The following NPY5R variants were observed in gnomAD, a reference collection of about 807,000 sequenced individuals.
NPY5R encodes the protein neuropeptide Y receptor Y5.
A neutral mutation model predicts 24.8 loss-of-function variants in NPY5R; 21 were observed. The observed-to-expected ratio is 0.85, with a 90% CI of 0.60 to 1.22. The LOEUF (loss-of-function observed/expected upper bound fraction) is 1.22. Ranked by LOEUF, NPY5R falls within the 50% of genes most tolerant of loss-of-function variation. NPY5R has a pLI of 0.00. For synonymous variants in NPY5R, 175 were observed against 183.0 expected (o/e 0.96, Z 0.35); for missense variants, 481 against 521.3 (o/e 0.92, Z 0.75).
intron 1 of NPY5R, chr4:163,345,045 T>C (rs758677319): frequency 6.6e-6 from 1 of 152,200 alleles, no homozygotes; most frequent in Admixed American, 6.5e-5. Flanking sequence ...AAACAGACAA[T>C]AGTTGATATT....
chr4:163,349,065 A>G (rs1342902151), intron 3 of NPY5R, among the ~76,000 whole-genome samples: 6 of 152,152 alleles, frequency 3.9e-5, no homozygotes, highest in Non-Finnish European at 8.8e-5. Flanking sequence ...ATCTCAAACC[A>G]TTGAGGATTG....
At chr4:163,348,680 C>CT (rs34808152) in intron 3 of NPY5R, among the ~76,000 whole-genome samples, 439 of 147,042 alleles carry the variant, frequency 3.0e-3, no homozygotes, top group African/African-American at 9.2e-3. Flanking sequence ...AAAAAAAGTC[C>CT]TTTTTTTTTT....
chr4:163,346,075 G>A (rs72699034), intron 2 of NPY5R, among the ~76,000 whole-genome samples: 4,804 of 152,170 alleles, frequency 0.032, 108 homozygotes, highest in Middle Eastern at 0.071. Flanking sequence ...TGTTTATGTG[G>A]TAGATGGTGT....
At chr4:163,348,129 T>G (rs183829935) in intron 3 of NPY5R, among the ~76,000 whole-genome samples, 160 of 152,356 alleles carry the variant, frequency 1.1e-3, no homozygotes, top group Admixed American at 3.2e-3. Flanking sequence ...TGTTTACTAT[T>G]AATTTAAATA....
rs767017396 is a variant in NPY5R, at chr4:163,351,469, C to T, written c.1196C>T (p.Ser399Leu). ...ACTGATTTTAATGACAATCTTATTT[C>T]AAATAGGCATTTCAAGTTGGTGTAT... ...VVTDFNDNLISNRHFKLVYCI... is the reference protein window; with the variant it reads ...VVTDFNDNLILNRHFKLVYCI... The change falls in exon 4 of 4, where the codon TCA (serine) becomes TTA (leucine). Residue 399 changes from serine to leucine, a missense_variant. Physicochemically the swap from Ser to Leu is moderately radical, Grantham distance 145. Coordinates refer to ENST00000338566, the MANE Select transcript of NPY5R (RefSeq NM_006174.4). The T allele has an allele frequency of 6.2e-7, 1 of 1,613,930 alleles. No homozygotes were observed. The highest frequency in any genetic ancestry group is 8.5e-7 in the Non-Finnish European group (1 of 1,179,930).
intron 3 of NPY5R, among the ~76,000 whole-genome samples, chr4:163,348,313 A>G (rs980439915): frequency 1.1e-4 from 16 of 152,260 alleles, no homozygotes; most frequent in Non-Finnish European, 2.2e-4. Context: ...TCTGTAGGAA[A>G]TTCTTGTTAA....
chr4:163,350,471 C>A lies in NPY5R; in HGVS notation c.198C>A (p.Leu66=), dbSNP rs768340023. The A allele has an allele frequency of 6.2e-7, 1 of 1,613,986 alleles. No homozygotes were observed. The highest frequency in any genetic ancestry group is 8.5e-7 in the Non-Finnish European group (1 of 1,179,940). ...FMGNLLILMA[L]MKKRNQKTTV... ...GGAATCTACTTATTTTAATGGCTCT[C>A]ATGAAAAAGCGTAATCAGAAGACTA... Residue 66 remains leucine, a synonymous_variant, in exon 4 of 4, where the codon CTC becomes CTA. Transcript: ENST00000338566.
rs1735343263 is a variant in NPY5R at position 163,348,458 on chromosome 4, A to G, written c.-10+936A>G. On this transcript the variant is annotated intron_variant, in intron 3 of 3. Coordinates refer to ENST00000338566, the MANE Select transcript of NPY5R (RefSeq NM_006174.4). ...AGCCTGGGCAACATAGCCAGGCCCC[A>G]TCTCCACAAAAAATAGAAAGATTAG... 2.0e-5 allele frequency among the ~76,000 whole-genome samples: 3 copies of G among 151,794 alleles called. No individual in the cohort carries two copies. The South Asian group carries it at 6.2e-4, about 32-fold the overall frequency.
At chr4:163,347,596 G>C (rs1735305086) in intron 3 of NPY5R, 74 bp downstream of exon 3, 1 of 152,132 alleles carries the variant, frequency 6.6e-6, no homozygotes, top group South Asian at 2.1e-4. Flanking sequence ...ATATAAATAG[G>C]ATCATGAATA....
rs775477312 is a variant in NPY5R at position 163,350,971 on chromosome 4, G to T, written c.698G>T (p.Ser233Ile). 2 of 1,613,898 alleles carry T rather than the reference G, an allele frequency of 1.2e-6. No individual in the cohort carries two copies. Among genetic ancestry groups the T allele is most frequent in the South Asian group, 2.2e-5 (2 of 91,082 alleles). The change falls in exon 4 of 4, where the codon AGT (serine) becomes ATT (isoleucine). Residue 233 changes from serine to isoleucine, a missense_variant. By Grantham distance (142) the Ser-to-Ile change is moderately radical. Transcript: ENST00000338566. ...GTTTGTCTTACTGTAAGTCATACAA[G>T]TGTCTGCAGAAGTATAAGCTGTGGA... ...PLVCLTVSHTSVCRSISCGLS... is the reference protein window; with the variant it reads ...PLVCLTVSHTIVCRSISCGLS...
chr4:163,349,772 A>G (rs1444433827), intron 3 of NPY5R, among the ~76,000 whole-genome samples: 2 of 152,232 alleles, frequency 1.3e-5, no homozygotes, highest in African/African-American at 2.4e-5. Flanking sequence ...AATTTACTAT[A>G]ATCATTATTG....
chr4:163,345,301 G>A (rs188590133), intron 1 of NPY5R: 1 of 152,036 alleles, frequency 6.6e-6, no homozygotes, highest in African/African-American at 2.4e-5. Context: ...ATTTGTCTAG[G>A]TGTCAGATAT....
Position 163,350,453 on chromosome 4 carries a change from A to G in NPY5R, c.180A>G (p.Leu60=), listed in dbSNP as rs758155411. Residue 60 remains leucine, a synonymous_variant, in exon 4 of 4, where the codon CTA becomes CTG. Coordinates refer to ENST00000338566, the MANE Select transcript of NPY5R (RefSeq NM_006174.4). The part of the protein sequence containing the change: ...FVSLLGFMGN[L]LILMALMKKR... ...GTCTTCTTGGCTTTATGGGGAATCT[A>G]CTTATTTTAATGGCTCTCATGAAAA... 3 of 1,613,936 alleles carry G rather than the reference A, an allele frequency of 1.9e-6. No homozygotes were observed. Among genetic ancestry groups the G allele is most frequent in the South Asian group, 2.2e-5 (2 of 91,074 alleles).
chr4:163,346,756 CAG>C (rs1189061038), intron 2 of NPY5R, among the ~76,000 whole-genome samples: 1 of 152,132 alleles, frequency 6.6e-6, no homozygotes, highest in Non-Finnish European at 1.5e-5. Context: ...GTTTTAATAA[CAG>C]ACTGCACAGT....
At chr4:163,347,159 T>C (rs1690643666) in intron 2 of NPY5R, among the ~76,000 whole-genome samples, 1 of 152,244 alleles carries the variant, frequency 6.6e-6, no homozygotes, top group Non-Finnish European at 1.5e-5. Flanking sequence ...TAGCATCCAC[T>C]ATGTGTAATA....
At position 163,351,860 on chromosome 4, in the gene NPY5R, A is replaced by ACCTT. The variant is rs1735511442; in HGVS notation, c.*252_*255dup. On this transcript the variant is annotated 3_prime_UTR_variant, in exon 4 of 4. Coordinates refer to ENST00000338566, the MANE Select transcript of NPY5R (RefSeq NM_006174.4). ...TAATTTCACTTTAGAAGGTTGTATT[A>ACCTT]CCTTCCACTTCCATGTTGTCTTATA... 3.4e-6 allele frequency: 1 copy of ACCTT among 292,978 alleles called. No individual in the cohort carries two copies. Among genetic ancestry groups the ACCTT allele is most frequent in the African/African-American group, 2.2e-5 (1 of 45,892 alleles). 18.1% of individuals were successfully genotyped at this position (292,978 alleles called of 1,614,324 possible).
chr4:163,346,138 T>G (rs948705153), intron 2 of NPY5R, among the ~76,000 whole-genome samples: 3 of 152,092 alleles, frequency 2.0e-5, no homozygotes, highest in Non-Finnish European at 4.4e-5. Flanking sequence ...CACACCAAAA[T>G]AAAATGAATA....
chr4:163,344,512 GGGGGCGCAGCCCGC>G (rs1479658734), intron 1 of NPY5R: 2 of 152,226 alleles, frequency 1.3e-5, no homozygotes, highest in Non-Finnish European at 2.9e-5. Flanking sequence ...TGGCGAGGCC[GGGGGCGCAGCCCGC>G]GGGGCGCCAC....
intron 2 of NPY5R, 144 bp downstream of exon 2, chr4:163,345,897 T>A (rs1054457554): frequency 4.6e-5 from 7 of 152,104 alleles, no homozygotes; most frequent in South Asian, 4.1e-4. Context: ...GAGGCACTTT[T>A]AAAAAAACTA....
Sources: allele counts gnomAD v4.1 joint callset (sites outside exome capture counted in the v4.1 genomes callset), GRCh38; gene constraint gnomAD v4.1.1; transcripts MANE v1.5; gene names NCBI Gene and HGNC (gene_info 2026-07-23, HGNC 2026-07-21).